The following ANKAR variants were observed in gnomAD, a reference collection of about 807,000 sequenced individuals.
ANKAR encodes the protein ankyrin and armadillo repeat containing, also known as ankyrin and armadillo repeat-containing protein.
A neutral mutation model predicts 146.2 loss-of-function variants in ANKAR; 136 were observed. The ratio of observed to expected loss-of-function variants is 0.93; its 90% CI spans 0.81 to 1.07. The LOEUF (loss-of-function observed/expected upper bound fraction) is 1.07, where lower values mean the gene tolerates loss of function less well. ANKAR is among the 50% of genes least tolerant of loss of function. The pLI, the probability that ANKAR is intolerant of heterozygous loss-of-function variation, is 0.00. For synonymous variants in ANKAR, 500 were observed against 575.8 expected, an observed-to-expected ratio of 0.87 and a Z score of 1.88; for missense variants, 1,567 against 1,679.9, an observed-to-expected ratio of 0.93 and a Z score of 1.18.
At chr2:189,719,368 T>G (rs909182556) in intron 10 of ANKAR, among the ~76,000 whole-genome samples, 2 of 152,176 alleles carry the variant, frequency 1.3e-5, no homozygotes, top group Non-Finnish European at 2.9e-5. Context: ...GTATGAACAA[T>G]GAGAGCTGCC....
In ANKAR at chr2:189,698,502, A is replaced by G. The variant is rs553425446; in HGVS notation, c.1708+2133A>G. On this transcript the variant is annotated intron_variant, in intron 7 of 22. Transcript: ENST00000684021. ...GACTGAGGTAGTAGACTTAACCTCA[A>G]TGTTGGATATGGAGAAAAACAAAAT... Among the ~76,000 whole-genome samples, 26 of 152,308 alleles carry G rather than the reference A, an allele frequency of 1.7e-4. 1 individual carries two copies. Among genetic ancestry groups the G allele is most frequent in the South Asian group, 2.1e-4 (1 of 4,830 alleles).
At chr2:189,732,365 T>C (rs935550188) in intron 16 of ANKAR, among the ~76,000 whole-genome samples, 1 of 152,084 alleles carries the variant, frequency 6.6e-6, no homozygotes, top group African/African-American at 2.4e-5. Flanking sequence ...TTTGCTTAAA[T>C]TAATAGGTGC....
chr2:189,706,100 G>A (rs1030307883), intron 8 of ANKAR, among the ~76,000 whole-genome samples: 2 of 151,796 alleles, frequency 1.3e-5, no homozygotes, highest in African/African-American at 4.8e-5. Flanking sequence ...GTCTAGCCAT[G>A]AGAAGAAAGA....
intron 18 of ANKAR, among the ~76,000 whole-genome samples, chr2:189,757,788 CA>C (rs2046308499): frequency 1.3e-5 from 2 of 152,152 alleles, no homozygotes; most frequent in African/African-American, 4.8e-5. Flanking sequence ...TATAGGTATT[CA>C]AAAAATGCTG....
In ANKAR at chr2:189,728,107, T is replaced by A. The variant is rs762840684; in HGVS notation, c.2877+10T>A. On this transcript the variant is annotated intron_variant, in intron 13 of 22. Coordinates refer to ENST00000684021, the MANE Select transcript of ANKAR (RefSeq NM_001378068.1). ...TTTAAAACTCCTAAAGGTAGGAATT[T>A]TATGATTACTGGTCATTTTTCTTAG... 3 of 1,590,766 alleles carry A rather than the reference T, an allele frequency of 1.9e-6. No individual in the cohort carries two copies. The highest frequency in any genetic ancestry group is 2.6e-6 in the Non-Finnish European group (3 of 1,168,656).
At chr2:189,744,123 ACT>A (rs1262298380) in intron 21 of ANKAR, among the ~76,000 whole-genome samples, 10 of 152,168 alleles carry the variant, frequency 6.6e-5, no homozygotes, top group African/African-American at 1.7e-4. Context: ...AGATACGTTA[ACT>A]CTATGATAAC....
At chr2:189,697,346 A>C (rs150703663) in intron 7 of ANKAR, among the ~76,000 whole-genome samples, 117 of 152,174 alleles carry the variant, frequency 7.7e-4, no homozygotes, top group Middle Eastern at 3.4e-3. Flanking sequence ...TTACACATAT[A>C]TATGTACATA....
chr2:189,707,329 G>A (rs1164214325), intron 9 of ANKAR, among the ~76,000 whole-genome samples, 183 bp downstream of exon 9: 1 of 151,284 alleles, frequency 6.6e-6, no homozygotes, highest in East Asian at 1.9e-4. Flanking sequence ...ATTTTTGTGT[G>A]TGCAAACGTA....
At chr2:189,702,804 T>C (rs1266086771) in intron 7 of ANKAR, among the ~76,000 whole-genome samples, 2 of 152,148 alleles carry the variant, frequency 1.3e-5, no homozygotes, top group Non-Finnish European at 2.9e-5. Context: ...AGAGATGTAA[T>C]GAAAACAGTG....
chr2:189,755,690 G>A, intron 18 of ANKAR: 2 of 980,410 alleles, frequency 2.0e-6, no homozygotes. Context: ...TTCTAATTGT[G>A]TGCCTTCTAA....
chr2:189,690,678 A>G (rs550634845), intron 3 of ANKAR, among the ~76,000 whole-genome samples: 4 of 152,298 alleles, frequency 2.6e-5, no homozygotes, highest in African/African-American at 7.2e-5. Flanking sequence ...GAAAGTTTGT[A>G]TCATGAGAAT....
chr2:189,727,086 G>A (rs1484337456), intron 12 of ANKAR, among the ~76,000 whole-genome samples: 1 of 151,898 alleles, frequency 6.6e-6, no homozygotes, highest in Non-Finnish European at 1.5e-5. Context: ...GAGCAAAGTT[G>A]ATGTATTTAT....
intron 17 of ANKAR, among the ~76,000 whole-genome samples, chr2:189,736,038 T>C (rs1157411618): frequency 1.3e-5 from 2 of 152,182 alleles, no homozygotes; most frequent in African/African-American, 4.8e-5. Context: ...TTAAGACAGT[T>C]GACATTGGGG....
intron 7 of ANKAR, 70 bp from the exon 8 acceptor site, chr2:189,704,953 A>G (rs2038718780): frequency 2.1e-6 from 3 of 1,436,146 alleles, no homozygotes; most frequent in East Asian, 2.3e-5. Context: ...CTGGATATCA[A>G]TAAGGCATTT....
intron 10 of ANKAR, 62 bp downstream of exon 10, chr2:189,711,215 C>G: frequency 8.2e-7 from 1 of 1,226,368 alleles, no homozygotes; most frequent in South Asian, 1.6e-5. Context: ...TTTTATTCAT[C>G]AGTCATTTTT....
At chr2:189,742,745 A>G (rs2043455662) in intron 20 of ANKAR, among the ~76,000 whole-genome samples, 1 of 151,988 alleles carries the variant, frequency 6.6e-6, no homozygotes, top group Non-Finnish European at 1.5e-5. Context: ...TCAAAGTTAT[A>G]TGGGTGATGC....
chr2:189,760,352 C>G (rs922340465), intron 18 of ANKAR, among the ~76,000 whole-genome samples: 1 of 152,168 alleles, frequency 6.6e-6, no homozygotes, highest in African/African-American at 2.4e-5. Context: ...GGGGCCCCCA[C>G]CCCTAAGACG....
At chr2:189,693,980 C>G (rs765148346) in intron 5 of ANKAR, among the ~76,000 whole-genome samples, 36 of 152,118 alleles carry the variant, frequency 2.4e-4, no homozygotes, top group Non-Finnish European at 4.3e-4. Context: ...AACTCCTGAC[C>G]TCAAGTGATC....
At position 189,728,878 on chromosome 2, in the gene ANKAR, C is replaced by A; in HGVS notation, c.3193+57C>A. The A allele has an allele frequency of 4.0e-6, 6 of 1,510,248 alleles. No individual in the cohort carries two copies. In the South Asian group the frequency reaches 7.5e-5, roughly 19 times the overall value. 93.6% of individuals were successfully genotyped at this position (1,510,248 alleles called of 1,614,324 possible). A position where few individuals can be genotyped will look rare whatever the true frequency, so the allele number is the denominator to read the frequency against. Reference sequence around the variant, plus strand: ...TCTGTAAGAACAAGAACAGATTGCGCAGAGAAGTGGAAATTAATCTCTCTT... The same window carrying A: ...TCTGTAAGAACAAGAACAGATTGCGAAGAGAAGTGGAAATTAATCTCTCTT... On this transcript the variant is annotated intron_variant, in intron 15 of 22. Transcript: ENST00000684021.
Sources: allele counts gnomAD v4.1 joint callset (sites outside exome capture counted in the v4.1 genomes callset), GRCh38; gene constraint gnomAD v4.1.1; transcripts MANE v1.5; gene names NCBI Gene and HGNC (gene_info 2026-07-23, HGNC 2026-07-21).